ITGA10: variants seen among roughly 807,000 people sequenced by gnomAD.
The protein encoded by ITGA10 is integrin alpha-10.
In ITGA10, 105 loss-of-function variants were observed where a neutral mutation model predicts 145.2. That is an observed-to-expected ratio of 0.72 (90% CI 0.62 to 0.85). ITGA10 has a LOEUF of 0.85. ITGA10 is among the 40% of genes least tolerant of loss of function. The pLI, the probability that ITGA10 is intolerant of heterozygous loss-of-function variation, is 0.00. For synonymous variants in ITGA10, 506 were observed against 557.8 expected (o/e 0.91, Z 1.31); for missense variants, 1,317 against 1,444.5 (o/e 0.91, Z 1.43).
Position 145,897,250 on chromosome 1 carries a change from G to A in ITGA10, c.2664C>T (p.Ala888=), listed in dbSNP as rs782712391. 3.1e-6 allele frequency: 5 copies of A among 1,613,794 alleles called. No homozygotes were observed. The highest frequency in any genetic ancestry group is 3.4e-6 in the Non-Finnish European group (4 of 1,179,930). The change falls in exon 21 of 30, where the codon GCC becomes GCT. Residue 888 remains alanine (A), a synonymous_variant. Transcript: ENST00000369304. The stretch of plus-strand genomic sequence containing the variant: ...TTCATCCTAGACCCCAACCCACCTT[G>A]GCTCCAGTCTGGAAGACAGGATGCC... ...SVGHPVFQTG[A]KVTFLLEFEF... is the part of the protein sequence containing the mutation.
chr1:145,905,397 A>G (rs6424378), intron 5 of ITGA10, among the ~76,000 whole-genome samples: 100,340 of 151,048 alleles, frequency 0.66, 38,574 homozygotes, highest in Non-Finnish European at 0.87. Flanking sequence ...CTCCTGCCTC[A>G]GCCTCCCGAG....
chr1:145,904,048 T>C lies in ITGA10; in HGVS notation c.758+4A>G. The C allele has an allele frequency of 6.2e-7, 1 of 1,613,826 alleles. No individual in the cohort carries two copies. The highest frequency in any genetic ancestry group is 1.1e-5 in the South Asian group (1 of 91,058). ...CTCCCACACCTGTCTTCCCAATGCC[T>C]CACCAGGCCACCATTATTGCTTGGG... is the stretch of plus-strand genomic sequence containing the variant. On this transcript the variant is annotated splice_donor_region_variant and intron_variant, in intron 7 of 29. Coordinates refer to ENST00000369304, the MANE Select transcript of ITGA10 (RefSeq NM_003637.5).
intron 10 of ITGA10, 49 bp from the exon 11 acceptor site, chr1:145,902,070 A>AGG: frequency 6.3e-7 from 1 of 1,590,838 alleles, no homozygotes; most frequent in Non-Finnish European, 8.6e-7. Flanking sequence ...TGGGGAATAA[A>AGG]GAGAAAAAAA....
chr1:145,893,583 T>A lies in ITGA10; in HGVS notation c.3281A>T (p.Glu1094Val). 1 of 1,613,442 alleles carries A rather than the reference T, an allele frequency of 6.2e-7. No homozygotes were observed. Among genetic ancestry groups the A allele is most frequent in the Non-Finnish European group, 8.5e-7 (1 of 1,179,746 alleles). The change falls in exon 28 of 30, where the codon GAG becomes GTG. Residue 1094 changes from glutamate to valine, a missense_variant. Coordinates refer to ENST00000369304, the MANE Select transcript of ITGA10 (RefSeq NM_003637.5). ...TTCAGTCAGCTGTAGGACACTGCCC[T>A]CTTCGGTTCCCAGCTCAAAGGTGCT... ...VVSTFELGTE[E>V]GSVLQLTEAS...
chr1:145,901,920 T>G lies in ITGA10; in HGVS notation c.1251A>C (p.Glu417Asp). 4 of 1,614,154 alleles carry G rather than the reference T, an allele frequency of 2.5e-6. No individual in the cohort carries two copies. Among genetic ancestry groups the G allele is most frequent in the Non-Finnish European group, 3.4e-6 (4 of 1,180,018 alleles). The change falls in exon 11 of 30, where the codon GAA becomes GAC. Residue 417 changes from glutamate to aspartate, a missense_variant. Physicochemically the swap from Glu to Asp is conservative, Grantham distance 45. Transcript: ENST00000369304. The surrounding 1 kb of genome is among the most constrained non-coding windows in gnomAD (Gnocchi z 4.3). ...TCTGCAATGCAGGGGGGAACTCGTCTTCCAGTGCCATTCGTGGGGGGAAAA... is the reference window on the plus strand; with the variant it reads ...TCTGCAATGCAGGGGGGAACTCGTCGTCCAGTGCCATTCGTGGGGGGAAAA... ...HRLFPPRMAL[E>D]DEFPPALQNH...
At chr1:145,900,273 T>G in intron 14 of ITGA10, 86 bp from the exon 15 acceptor site, 2 of 1,397,370 alleles carry the variant, frequency 1.4e-6, no homozygotes, top group Non-Finnish European at 1.9e-6. Context: ...TTTTATTTAT[T>G]TATTTATTTT....
chr1:145,906,593 T>C (rs1657173998), intron 4 of ITGA10, 85 bp from the exon 5 acceptor site: 1 of 1,321,162 alleles, frequency 7.6e-7, no homozygotes, highest in Admixed American at 1.7e-5. Context: ...TGAAGACTAC[T>C]CCCTGACATT....
intron 19 of ITGA10, 47 bp from the exon 20 acceptor site, chr1:145,897,700 T>A (rs782768919): frequency 6.2e-7 from 1 of 1,612,590 alleles, no homozygotes; most frequent in Non-Finnish European, 8.5e-7. Flanking sequence ...AGGAGGGGAG[T>A]GCCAAAAGTC....
Position 145,901,827 on chromosome 1 carries a change from T to C in ITGA10, c.1294+50A>G, listed in dbSNP as rs370740839. The C allele has an allele frequency of 4.3e-5, 69 of 1,608,384 alleles. 1 individual carries two copies. Among genetic ancestry groups the C allele is most frequent in the South Asian group, 3.1e-4 (28 of 90,836 alleles). On this transcript the variant is annotated intron_variant, in intron 11 of 29. Coordinates refer to ENST00000369304, the MANE Select transcript of ITGA10 (RefSeq NM_003637.5). This position sits in a 1 kb window ranked among gnomAD's most constrained non-coding sequence, Gnocchi z 4.3. ...ATTTCATACCCGCCCCCACTAGGGA[T>C]GTATTTCCTCCCCTACCCTGTAAGT...
At chr1:145,903,020 C>CACAA in intron 7 of ITGA10, 59 bp from the exon 8 acceptor site, 3 of 677,618 alleles carry the variant, frequency 4.4e-6, no homozygotes, top group African/African-American at 2.4e-5. Context: ...CACACACACA[C>CACAA]ACATACACAC....
intron 27 of ITGA10, among the ~76,000 whole-genome samples, chr1:145,894,910 T>G (rs587597942): frequency 1.0e-3 from 152 of 152,278 alleles, no homozygotes; most frequent in South Asian, 2.3e-3. Context: ...ACGTGATGGA[T>G]TCTTAACTGA....
At chr1:145,907,286 C>G in intron 2 of ITGA10, 68 bp downstream of exon 2, 2 of 1,612,656 alleles carry the variant, frequency 1.2e-6, no homozygotes, top group Non-Finnish European at 1.7e-6. Flanking sequence ...AGAGTCCCAT[C>G]TATCTTGCCT....
chr1:145,898,647 C>T (rs587684752), intron 17 of ITGA10, among the ~76,000 whole-genome samples: 2 of 152,256 alleles, frequency 1.3e-5, no homozygotes, highest in East Asian at 1.9e-4. Context: ...GGATTACAAG[C>T]GTGAGCCACT....
intron 23 of ITGA10, 99 bp from the exon 24 acceptor site, chr1:145,896,451 C>T (rs1168621713): frequency 3.9e-5 from 35 of 897,070 alleles, no homozygotes; most frequent in East Asian, 3.4e-4. Context: ...GGAGGCAGGG[C>T]CAGCACATGG....
chr1:145,895,991 T>C lies in ITGA10; in HGVS notation c.3025A>G (p.Thr1009Ala). 1.2e-6 allele frequency: 2 copies of C among 1,612,138 alleles called. No homozygotes were observed. The highest frequency in any genetic ancestry group is 2.2e-5 in the East Asian group (1 of 44,868). ...TCCTAGACCAGACTCACATTGTTAG[T>C]GATGACTTGAGACAGTGATAGGAAG... is the stretch of plus-strand genomic sequence containing the variant. ...NYFLSLSQVI[T>A]NNASCIVQNL... is the part of the protein sequence containing the mutation. Residue 1009 changes from threonine (T) to alanine (A), a missense_variant, in exon 25 of 30, where the codon ACT (threonine) becomes GCT (alanine). Physicochemically the swap from Thr to Ala is moderately conservative, Grantham distance 58. Transcript: ENST00000369304.
At chr1:145,909,446 T>C (rs1553752483) in intron 1 of ITGA10, among the ~76,000 whole-genome samples, 1 of 141,158 alleles carries the variant, frequency 7.1e-6, no homozygotes, top group African/African-American at 2.6e-5. Flanking sequence ...AATATATAAC[T>C]ATATAATATA....
At chr1:145,909,523 TTATA>T (rs1160514995) in intron 1 of ITGA10, among the ~76,000 whole-genome samples, 2 of 134,258 alleles carry the variant, frequency 1.5e-5, no homozygotes, top group Admixed American at 7.9e-5. Context: ...TATATGTATA[TTATA>T]TATAATATAT....
Position 145,896,055 on chromosome 1 carries a change from G to A in ITGA10, c.2961C>T (p.Ile987=), listed in dbSNP as rs1287719643. Residue 987 remains isoleucine (I), a synonymous_variant, in exon 25 of 30, where the codon ATC becomes ATT. Transcript: ENST00000369304. The stretch of plus-strand genomic sequence containing the variant: ...GGGCCACAGCTGGAAGGAGGGCTGA[G>A]ATGATGAGGCCACTGACCACATAGC... The part of the protein sequence containing the change: ...LGCYVVSGLI[I]SALLPAVAHG... The A allele has an allele frequency of 1.2e-6, 2 of 1,614,096 alleles. No homozygotes were observed. Among genetic ancestry groups the A allele is most frequent in the East Asian group, 4.5e-5 (2 of 44,896 alleles).
At position 145,901,378 on chromosome 1, in the gene ITGA10, T is replaced by G; in HGVS notation, c.1444-100A>C. On this transcript the variant is annotated intron_variant, in intron 12 of 29. Coordinates refer to ENST00000369304, the MANE Select transcript of ITGA10 (RefSeq NM_003637.5). The surrounding 1 kb of genome is among the most constrained non-coding windows in gnomAD (Gnocchi z 4.3). ...ACTCACCAGCCTGCTAGTCTGCTCC[T>G]TACATCCCTGACAGACTCTGCCAAC... The G allele has an allele frequency of 6.6e-7, 1 of 1,515,278 alleles. No individual in the cohort carries two copies. Among genetic ancestry groups the G allele is most frequent in the Non-Finnish European group, 9.0e-7 (1 of 1,115,018 alleles). The allele number at this position is 1,515,278 out of a possible 1,614,324, so 93.9% of individuals were successfully genotyped here. A position where few individuals can be genotyped will look rare whatever the true frequency, so the allele number is the denominator to read the frequency against.
Sources: allele counts gnomAD v4.1 joint callset (sites outside exome capture counted in the v4.1 genomes callset), GRCh38; gene constraint gnomAD v4.1.1; non-coding constraint Gnocchi (gnomAD v3.1); transcripts MANE v1.5; gene names NCBI Gene and HGNC (gene_info 2026-07-23, HGNC 2026-07-21).